Variants in ADCY9 observed in about 807,000 individuals in gnomAD.
ADCY9 encodes the protein adenylate cyclase type 9.
ADCY9 carries 50 observed loss-of-function variants against 101.5 expected under a neutral mutation model. The observed-to-expected ratio is 0.49, with a 90% CI of 0.39 to 0.62. The LOEUF is 0.62. Among genes scored for constraint, ADCY9 ranks in the 20% least tolerant of loss-of-function variants. The probability of loss-of-function intolerance (pLI) is 0.00; values close to 1 mark genes in which losing one functional copy is unlikely to be tolerated. For missense variants in ADCY9, 1,662 were observed against 1,800.4 expected (o/e 0.92, Z 1.39); for synonymous variants, 905 against 769.3 (o/e 1.18, Z -2.92).
chr16:4,069,621 T>C (rs1244701221), intron 2 of ADCY9, among the ~76,000 whole-genome samples: 1 of 152,192 alleles, frequency 6.6e-6, no homozygotes, highest in Non-Finnish European at 1.5e-5. Context: ...CAATTTTTGC[T>C]ATTCTCAATT....
chr16:4,075,806 G>A (rs2056863501), intron 2 of ADCY9, among the ~76,000 whole-genome samples: 1 of 151,570 alleles, frequency 6.6e-6, no homozygotes, highest in Non-Finnish European at 1.5e-5. Context: ...ACTGGATCTT[G>A]TAAGGTGGGC....
rs148599311 is a variant in ADCY9 at position 3,987,920 on chromosome 16, C to A, written c.2310+1074G>T. Among the ~76,000 whole-genome samples the A allele has an allele frequency of 1.2e-3, 177 of 152,238 alleles. 1 individual carries two copies. The highest frequency in any genetic ancestry group is 4.2e-3 in the African/African-American group (174 of 41,552). ...CAGGATTCAAACCAGGCTCTAGGTTCTTGTATTATTCCTTCCAGCAACCCC... is the reference window on the plus strand; with the variant it reads ...CAGGATTCAAACCAGGCTCTAGGTTATTGTATTATTCCTTCCAGCAACCCC... On this transcript the variant is annotated intron_variant, in intron 6 of 10. Coordinates refer to ENST00000294016, the MANE Select transcript of ADCY9 (RefSeq NM_001116.4).
In ADCY9 at chr16:3,992,168, C is replaced by A; in HGVS notation, c.2185G>T (p.Val729Leu). The part of the protein sequence containing the change: ...NIREKTDAHF[V>L]DVIKEDSLMK... ...TACCTGTCTTCTTTGATAACGTCCA[C>A]AAAGTGGGCGTCCGTTTTCTCCCGG... Residue 729 changes from valine to leucine, a missense_variant, in exon 5 of 11, where the codon GTG (valine) becomes TTG (leucine). Transcript: ENST00000294016. The surrounding 1 kb of genome is among the most constrained non-coding windows in gnomAD (Gnocchi z 4.2). 1 of 1,614,238 alleles carries A rather than the reference C, an allele frequency of 6.2e-7. No homozygotes were observed. The highest frequency in any genetic ancestry group is 1.1e-5 in the South Asian group (1 of 91,088).
chr16:4,114,640 C>A lies in ADCY9; in HGVS notation c.803G>T (p.Cys268Phe). 1 of 1,613,498 alleles carries A rather than the reference C, an allele frequency of 6.2e-7. No individual in the cohort carries two copies. The highest frequency in any genetic ancestry group is 8.5e-7 in the Non-Finnish European group (1 of 1,180,044). The change falls in exon 2 of 11, where the codon TGC becomes TTC. Residue 268 changes from cysteine (C) to phenylalanine (F), a missense_variant. By Grantham distance (205) the Cys-to-Phe change is radical. This residue lies in a region of ADCY9 where 422 missense variants were observed against 392.0 expected (regional missense o/e 1.08). Transcript: ENST00000294016. The surrounding 1 kb of genome is among the most constrained non-coding windows in gnomAD (Gnocchi z 4.3). Reference sequence around the variant, plus strand: ...GGCCCCGGCTCCGGGCGAGGGGAAGCAGGCTTCATCCCGGAAATGGTAGCC... The same window carrying A: ...GGCCCCGGCTCCGGGCGAGGGGAAGAAGGCTTCATCCCGGAAATGGTAGCC... ...TFGYHFRDEA[C>F]FPSPGAGALH... is the part of the protein sequence containing the mutation.
chr16:4,105,022 T>A lies in ADCY9; in HGVS notation c.1693+8728A>T, dbSNP rs553357141. 2.0e-5 allele frequency among the ~76,000 whole-genome samples: 3 copies of A among 149,438 alleles called. No homozygotes were observed. In the South Asian group the frequency reaches 6.3e-4, roughly 32 times the overall value. Reference sequence around the variant, plus strand: ...AGGCAGAGGTTGCAGTAAGCCGAGATCGTGCCACTGCACTCCAATGTGGGC... The same window carrying A: ...AGGCAGAGGTTGCAGTAAGCCGAGAACGTGCCACTGCACTCCAATGTGGGC... On this transcript the variant is annotated intron_variant, in intron 2 of 10. Transcript: ENST00000294016.
At chr16:3,968,842 T>TG (rs1036626626) in intron 10 of ADCY9, among the ~76,000 whole-genome samples, 2 of 152,136 alleles carry the variant, frequency 1.3e-5, no homozygotes, top group African/African-American at 4.8e-5. Context: ...AACCAGTTTC[T>TG]GCTTTTTTTT....
chr16:3,980,567 G>C lies in ADCY9; in HGVS notation c.2520-1292C>G, dbSNP rs374366832. On this transcript the variant is annotated intron_variant, in intron 7 of 10. Coordinates refer to ENST00000294016, the MANE Select transcript of ADCY9 (RefSeq NM_001116.4). ...TCTGGCACAGAGCCCCCCGCCCCCA[G>C]CCTTCGGGCCTGAACACCTACCATG... Among the ~76,000 whole-genome samples, 45 of 152,282 alleles carry C rather than the reference G, an allele frequency of 3.0e-4. 1 individual carries two copies. The South Asian group carries it at 8.3e-3, about 28-fold the overall frequency.
chr16:4,012,475 CA>C (rs35681254), intron 2 of ADCY9, among the ~76,000 whole-genome samples: 18 of 139,008 alleles, frequency 1.3e-4, no homozygotes, highest in African/African-American at 4.5e-4. Flanking sequence ...GCAGAAGGTC[CA>C]AAAAAAAAAA....
intron 10 of ADCY9, among the ~76,000 whole-genome samples, chr16:3,969,877 G>A (rs1461389143): frequency 1.3e-5 from 2 of 150,828 alleles, no homozygotes; most frequent in East Asian, 4.0e-4. Flanking sequence ...CCTCCCCAGT[G>A]TGCTGGAATA....
intron 2 of ADCY9, among the ~76,000 whole-genome samples, chr16:4,022,051 G>A (rs566291174): frequency 6.6e-6 from 1 of 152,306 alleles, no homozygotes; most frequent in African/African-American, 2.4e-5. Flanking sequence ...ACCTCCAGCA[G>A]CTGACTAGCC....
At chr16:4,007,132 G>T (rs2079731) in intron 3 of ADCY9, among the ~76,000 whole-genome samples, 14,135 of 152,126 alleles carry the variant, frequency 0.093, 847 homozygotes, top group Admixed American at 0.14. Context: ...ATTCAAATGA[G>T]AAGCATCCTT....
At chr16:4,069,339 C>T (rs1364152233) in intron 2 of ADCY9, among the ~76,000 whole-genome samples, 1 of 151,012 alleles carries the variant, frequency 6.6e-6, no homozygotes, top group Admixed American at 6.6e-5. Context: ...ACACTAGCTG[C>T]ATGACCTAGA....
intron 7 of ADCY9, among the ~76,000 whole-genome samples, chr16:3,979,538 C>T (rs187405193): frequency 1.3e-5 from 2 of 152,344 alleles, no homozygotes; most frequent in Non-Finnish European, 2.9e-5. Flanking sequence ...GCACATGCTT[C>T]GCTCGCCTAA....
intron 2 of ADCY9, among the ~76,000 whole-genome samples, chr16:4,055,331 A>C (rs1201549416): frequency 6.6e-6 from 1 of 151,928 alleles, no homozygotes; most frequent in Non-Finnish European, 1.5e-5. Context: ...TCAGGAGTTC[A>C]AGACCAACCT....
intron 2 of ADCY9, among the ~76,000 whole-genome samples, chr16:4,038,079 G>C (rs1275633864): frequency 6.6e-6 from 1 of 152,160 alleles, no homozygotes; most frequent in South Asian, 2.1e-4. Context: ...TCCAAGACCA[G>C]CCTAGGCAAC....
intron 2 of ADCY9, among the ~76,000 whole-genome samples, chr16:4,049,577 T>C (rs1433945445): frequency 1.3e-5 from 2 of 152,170 alleles, no homozygotes; most frequent in Non-Finnish European, 2.9e-5. Context: ...TGAAAAGATT[T>C]TTCTTCTGAC....
At chr16:3,989,152 G>T in intron 5 of ADCY9, 56 bp from the exon 6 acceptor site, 1 of 1,296,642 alleles carries the variant, frequency 7.7e-7, no homozygotes, top group Non-Finnish European at 1.1e-6. Flanking sequence ...CTGTGCCAAT[G>T]TTTTCAGATC....
chr16:4,041,582 G>C (rs2056627155), intron 2 of ADCY9, among the ~76,000 whole-genome samples: 1 of 149,146 alleles, frequency 6.7e-6, no homozygotes, highest in Non-Finnish European at 1.5e-5. Context: ...AGACTTGATT[G>C]CAGTAGCATT....
chr16:4,068,749 G>A (rs1360227378), intron 2 of ADCY9, among the ~76,000 whole-genome samples: 5 of 151,584 alleles, frequency 3.3e-5, no homozygotes, highest in African/African-American at 4.9e-5. Context: ...CCCAGGAGGC[G>A]GAGCTTGCAG....
Sources: allele counts gnomAD v4.1 joint callset (sites outside exome capture counted in the v4.1 genomes callset), GRCh38; gene constraint gnomAD v4.1.1; regional missense constraint gnomAD v4.1.1; non-coding constraint Gnocchi (gnomAD v3.1); transcripts MANE v1.5; gene names NCBI Gene and HGNC (gene_info 2026-07-23, HGNC 2026-07-21).